The following EBF2 variants were observed in gnomAD, a reference collection of about 807,000 sequenced individuals.
EBF2 encodes EBF transcription factor 2.
A neutral mutation model predicts 72.8 loss-of-function variants in EBF2; 21 were observed. The observed-to-expected ratio is 0.29, with a 90% confidence interval of 0.20 to 0.42. The LOEUF (loss-of-function observed/expected upper bound fraction) is 0.42, where lower values mean the gene tolerates loss of function less well. EBF2 is among the 10% of genes least tolerant of loss of function. EBF2 has a pLI of 1.00. For synonymous variants in EBF2, 299 were observed against 274.2 expected (o/e 1.09, Z -0.89); for missense variants, 637 against 731.2 (o/e 0.87, Z 1.49).
At chr8:25,947,696 TC>T (rs1803794038) in intron 6 of EBF2, among the ~76,000 whole-genome samples, 1 of 152,172 alleles carries the variant, frequency 6.6e-6, no homozygotes, top group African/African-American at 2.4e-5. Context: ...ACACTCCCCT[TC>T]TTTCTTGCAC....
chr8:26,005,917 C>A (rs1471855611), intron 6 of EBF2, among the ~76,000 whole-genome samples: 1 of 151,858 alleles, frequency 6.6e-6, no homozygotes, highest in African/African-American at 2.4e-5. Context: ...CCCAAAGTAG[C>A]CGCAGTTTAA....
chr8:25,862,644 A>G (rs1802231008), intron 11 of EBF2, 65 bp downstream of exon 11: 1 of 1,373,628 alleles, frequency 7.3e-7, no homozygotes, highest in Non-Finnish European at 1.0e-6. Context: ...AAATGCCTGC[A>G]TTTGTCTAAG....
At chr8:25,934,568 G>A (rs1347125883) in intron 6 of EBF2, among the ~76,000 whole-genome samples, 5 of 152,170 alleles carry the variant, frequency 3.3e-5, no homozygotes, top group East Asian at 3.9e-4. Context: ...TGTCCATGTC[G>A]TATCACAAGT....
At chr8:25,966,613 C>T (rs1484201115) in intron 6 of EBF2, among the ~76,000 whole-genome samples, 2 of 152,178 alleles carry the variant, frequency 1.3e-5, no homozygotes, top group Non-Finnish European at 2.9e-5. Context: ...TATGAACAAG[C>T]CCGAGTTCTT....
At chr8:25,970,446 G>A (rs561361677) in intron 6 of EBF2, among the ~76,000 whole-genome samples, 15 of 152,062 alleles carry the variant, frequency 9.9e-5, no homozygotes, top group Non-Finnish European at 1.8e-4. Flanking sequence ...AACCCACAGA[G>A]CAATTTTTTT....
intron 6 of EBF2, among the ~76,000 whole-genome samples, chr8:26,013,497 TG>T (rs1805060360): frequency 6.6e-6 from 1 of 152,206 alleles, no homozygotes; most frequent in African/African-American, 2.4e-5. Context: ...TCTAATCATC[TG>T]TCTTTTCCCT....
intron 10 of EBF2, among the ~76,000 whole-genome samples, chr8:25,871,410 A>G (rs926544555): frequency 8.5e-5 from 13 of 152,238 alleles, no homozygotes; most frequent in African/African-American, 3.1e-4. Context: ...TGGCAAGGCA[A>G]AAACAGAGTA....
intron 6 of EBF2, among the ~76,000 whole-genome samples, chr8:25,947,413 G>T (rs890186658): frequency 6.6e-6 from 1 of 152,106 alleles, no homozygotes; most frequent in African/African-American, 2.4e-5. Context: ...TACAAATTAC[G>T]CAGTCTCAGG....
chr8:25,913,566 T>C (rs1803164392), intron 6 of EBF2, among the ~76,000 whole-genome samples: 2 of 152,190 alleles, frequency 1.3e-5, no homozygotes. Flanking sequence ...GAAAACTTAG[T>C]TCCTTACTCC....
chr8:25,848,125 A>G (rs951201059), intron 15 of EBF2, among the ~76,000 whole-genome samples: 3 of 152,160 alleles, frequency 2.0e-5, no homozygotes, highest in African/African-American at 7.2e-5. Flanking sequence ...CAGCCTCCCA[A>G]GTATCTGGGA....
At chr8:25,859,869 AC>A (rs1802178804) in intron 13 of EBF2, among the ~76,000 whole-genome samples, 1 of 152,002 alleles carries the variant, frequency 6.6e-6, no homozygotes, top group Non-Finnish European at 1.5e-5. Context: ...GATGAGCACT[AC>A]CACACCTGGC....
At chr8:26,043,568 C>G (rs1805645852) in intron 1 of EBF2, among the ~76,000 whole-genome samples, 1 of 152,198 alleles carries the variant, frequency 6.6e-6, no homozygotes, top group Admixed American at 6.5e-5. Flanking sequence ...GAGGGAAATC[C>G]GCGCTCCCCG....
At chr8:25,920,354 T>G (rs1316986853) in intron 6 of EBF2, among the ~76,000 whole-genome samples, 1 of 152,190 alleles carries the variant, frequency 6.6e-6, no homozygotes, top group Non-Finnish European at 1.5e-5. Context: ...CAGGGTGAAA[T>G]GGAGGCTTTC....
chr8:25,934,895 C>T (rs1803548779), intron 6 of EBF2, among the ~76,000 whole-genome samples: 4 of 141,214 alleles, frequency 2.8e-5, no homozygotes, highest in Admixed American at 2.7e-4. Context: ...TCTAGCACTG[C>T]CAGAACTAGT....
intron 6 of EBF2, among the ~76,000 whole-genome samples, chr8:25,938,110 C>T (rs1192539306): frequency 3.3e-5 from 5 of 151,968 alleles, no homozygotes; most frequent in African/African-American, 1.2e-4. Flanking sequence ...GCTGGGGTGT[C>T]GTGGGATTTA....
At position 25,889,768 on chromosome 8, in the gene EBF2, T is replaced by A. The variant is rs1451019124; in HGVS notation, c.735A>T (p.Arg245Ser). The change falls in exon 8 of 16, where the codon AGA (arginine) becomes AGT (serine). Residue 245 changes from arginine to serine, a missense_variant. This residue lies in a region of EBF2 where 204 missense variants were observed against 301.2 expected (regional missense o/e 0.68). Transcript: ENST00000520164. Reference sequence around the variant, plus strand: ...CAGCCCTACCTTCCGATGGATCGAGTCTTCTTGCTCTCCGTCCATGCTTGG... The same window carrying A: ...CAGCCCTACCTTCCGATGGATCGAGACTTCTTGCTCTCCGTCCATGCTTGG... ...NNSKHGRRAR[R>S]LDPSEATPCI... 1 of 1,613,766 alleles carries A rather than the reference T, an allele frequency of 6.2e-7. No homozygotes were observed. The highest frequency in any genetic ancestry group is 8.5e-7 in the Non-Finnish European group (1 of 1,179,832).
chr8:25,912,380 A>G (rs750915059), intron 6 of EBF2, among the ~76,000 whole-genome samples: 16 of 151,710 alleles, frequency 1.1e-4, no homozygotes, highest in Non-Finnish European at 2.4e-4. Flanking sequence ...CGCATTATAC[A>G]CTTTGAATGG....
chr8:26,010,910 C>T (rs1804970910), intron 6 of EBF2, among the ~76,000 whole-genome samples: 1 of 151,984 alleles, frequency 6.6e-6, no homozygotes, highest in South Asian at 2.1e-4. Context: ...TATTTACCTG[C>T]CTGCACTAGA....
At position 26,008,900 on chromosome 8, in the gene EBF2, T is replaced by C. The variant is rs1325160029; in HGVS notation, c.551+24185A>G. Among the ~76,000 whole-genome samples, 3 of 149,152 alleles carry C rather than the reference T, an allele frequency of 2.0e-5. No homozygotes were observed. The East Asian group carries it at 5.9e-4, about 30-fold the overall frequency. On this transcript the variant is annotated intron_variant, in intron 6 of 15. Coordinates refer to ENST00000520164, the MANE Select transcript of EBF2 (RefSeq NM_022659.4). ...GAAATAAAAACAACAACACATGCTA[T>C]GTGTGTGTAAAATTGTAGGAAAAGT...
Sources: gnomAD v4.1 joint callset for allele counts (sites outside exome capture counted in the v4.1 genomes callset) on GRCh38, gnomAD v4.1.1 for gene constraint, gnomAD v4.1.1 regional missense constraint, MANE v1.5 for transcripts, NCBI Gene and HGNC (gene_info 2026-07-23, HGNC 2026-07-21) for gene names.